LINGO2: variants seen among roughly 807,000 people sequenced by gnomAD.
LINGO2 encodes the protein leucine rich repeat and Ig domain containing 2.
In LINGO2, 14 loss-of-function variants were observed where a neutral mutation model predicts 30.6. The ratio of observed to expected loss-of-function variants is 0.46; its 90% CI spans 0.30 to 0.72. The LOEUF is 0.72. Among genes scored for constraint, LINGO2 ranks in the 30% least tolerant of loss-of-function variants. The probability of loss-of-function intolerance (pLI) is 0.07; values close to 1 mark genes in which losing one functional copy is unlikely to be tolerated. For missense variants in LINGO2, 729 were observed against 751.7 expected (o/e 0.97, Z 0.35); for synonymous variants, 317 against 288.5 (o/e 1.10, Z -1.00).
At chr9:29,085,765 T>C in the LINGO2 span, among the ~76,000 whole-genome samples, 8 of 152,154 alleles carry the variant, frequency 5.3e-5, no homozygotes, top group African/African-American at 1.9e-4. Context: ...GAGACAAATA[T>C]AGTATTATAA....
the LINGO2 span, among the ~76,000 whole-genome samples, chr9:28,891,980 G>A: frequency 6.6e-6 from 1 of 151,660 alleles, no homozygotes; most frequent in East Asian, 1.9e-4. Flanking sequence ...TGGTTAATAA[G>A]CATTTTCTAT....
At chr9:28,991,014 A>C in the LINGO2 span, among the ~76,000 whole-genome samples, 1 of 152,270 alleles carries the variant, frequency 6.6e-6, no homozygotes, top group Non-Finnish European at 1.5e-5. Context: ...AGCTGGATGG[A>C]GAATGACTTT....
the LINGO2 span, among the ~76,000 whole-genome samples, chr9:29,000,683 C>T: frequency 6.6e-6 from 1 of 152,022 alleles, no homozygotes; most frequent in South Asian, 2.1e-4. Flanking sequence ...CTCTGAAGTA[C>T]ATGTCACCTT....
At chr9:28,873,756 A>G in the LINGO2 span, among the ~76,000 whole-genome samples, 1 of 152,166 alleles carries the variant, frequency 6.6e-6, no homozygotes, top group African/African-American at 2.4e-5. Flanking sequence ...TACAAAAAGT[A>G]GCTGTTTTTA....
the LINGO2 span, among the ~76,000 whole-genome samples, chr9:29,138,309 G>A: frequency 2.1e-5 from 3 of 143,930 alleles, no homozygotes; most frequent in Non-Finnish European, 3.0e-5. Context: ...TTTTTCACTG[G>A]AAAAATCCCA....
the LINGO2 span, among the ~76,000 whole-genome samples, chr9:28,695,893 T>C: frequency 0.024 from 3,716 of 152,090 alleles, 158 homozygotes; most frequent in African/African-American, 0.082. Flanking sequence ...TATTTTGGTT[T>C]GATGCATGTA....
the LINGO2 span, among the ~76,000 whole-genome samples, chr9:28,888,409 T>A: frequency 2.1e-3 from 319 of 152,188 alleles, 3 homozygotes; most frequent in African/African-American, 7.2e-3. Context: ...CACATGAACA[T>A]GAACAGAGAA....
chr9:28,629,527 G>A (rs1826837451), intron 1 of LINGO2, among the ~76,000 whole-genome samples: 1 of 151,724 alleles, frequency 6.6e-6, no homozygotes, highest in Non-Finnish European at 1.5e-5. Context: ...CTTTGAATTT[G>A]GATATGAACA....
chr9:28,782,049 T>C, the LINGO2 span, among the ~76,000 whole-genome samples: 2 of 152,194 alleles, frequency 1.3e-5, no homozygotes, highest in Non-Finnish European at 2.9e-5. Context: ...TGATGATTCC[T>C]TACTTGATTC....
chr9:28,388,604 C>G (rs958783582), intron 2 of LINGO2, among the ~76,000 whole-genome samples: 7 of 152,070 alleles, frequency 4.6e-5, no homozygotes, highest in African/African-American at 1.7e-4. Flanking sequence ...TTTGCCAATC[C>G]TGTATCTCAC....
the LINGO2 span, among the ~76,000 whole-genome samples, chr9:29,176,836 C>A: frequency 1.5e-4 from 23 of 152,312 alleles, no homozygotes; most frequent in South Asian, 4.3e-3. Context: ...CAAGAACCAG[C>A]AGCAGTAAGA....
intron 1 of LINGO2, among the ~76,000 whole-genome samples, chr9:28,585,391 C>A (rs1315735768): frequency 6.6e-6 from 1 of 151,812 alleles, no homozygotes; most frequent in Non-Finnish European, 1.5e-5. Context: ...GCTATGGATA[C>A]CAATTATTAG....
intron 1 of LINGO2, among the ~76,000 whole-genome samples, chr9:28,586,093 C>G (rs1824524640): frequency 6.6e-6 from 1 of 151,786 alleles, no homozygotes; most frequent in East Asian, 1.9e-4. Flanking sequence ...ATGATAAAGT[C>G]TGTTTTAGAA....
intron 2 of LINGO2, among the ~76,000 whole-genome samples, chr9:28,388,753 A>G (rs1821703007): frequency 6.6e-6 from 1 of 152,138 alleles, no homozygotes; most frequent in Non-Finnish European, 1.5e-5. Flanking sequence ...TTGAAGCTTT[A>G]TCTGAAGGAA....
intron 3 of LINGO2, among the ~76,000 whole-genome samples, chr9:28,325,058 C>T (rs1825178873): frequency 6.6e-6 from 1 of 151,714 alleles, no homozygotes; most frequent in South Asian, 2.1e-4. Context: ...TACACTCCCT[C>T]TCTCTCTCCT....
chr9:29,133,442 C>T, the LINGO2 span, among the ~76,000 whole-genome samples: 2 of 151,978 alleles, frequency 1.3e-5, no homozygotes, highest in South Asian at 4.1e-4. Flanking sequence ...TATTAAAGAA[C>T]CTTGAACATT....
chr9:28,939,394 T>C, the LINGO2 span, among the ~76,000 whole-genome samples: 2 of 152,292 alleles, frequency 1.3e-5, no homozygotes, highest in Non-Finnish European at 1.5e-5. Context: ...CCTATTTCTG[T>C]TTGTGCCACT....
intron 4 of LINGO2, among the ~76,000 whole-genome samples, chr9:28,046,954 GCA>G (rs1824448861): frequency 6.6e-6 from 1 of 152,108 alleles, no homozygotes; most frequent in Non-Finnish European, 1.5e-5. Context: ...AGAAGTTGTA[GCA>G]CAGTGAGATG....
chr9:28,785,740 C>T, the LINGO2 span, among the ~76,000 whole-genome samples: 1 of 147,846 alleles, frequency 6.8e-6, no homozygotes, highest in Non-Finnish European at 1.5e-5. Context: ...TTAATATTTT[C>T]CTGGAAGAAG....
Sources: gnomAD v4.1 joint callset for allele counts (sites outside exome capture counted in the v4.1 genomes callset) on GRCh38, gnomAD v4.1.1 for gene constraint, MANE v1.5 for transcripts, NCBI Gene and HGNC (gene_info 2026-07-23, HGNC 2026-07-21) for gene names.